The following SAMM50 variants were observed in gnomAD, a reference collection of about 807,000 sequenced individuals.
SAMM50 encodes the protein sorting and assembly machinery component 50 homolog.
Under a neutral mutation model 66.9 loss-of-function variants are expected in SAMM50, and 47 were observed. The ratio of observed to expected loss-of-function variants is 0.70; its 90% CI spans 0.56 to 0.90. The LOEUF (loss-of-function observed/expected upper bound fraction) is 0.90, where lower values mean the gene tolerates loss of function less well. SAMM50 is among the 40% of genes least tolerant of loss of function. The pLI is 0.00. For synonymous variants in SAMM50, 191 were observed against 214.1 expected (o/e 0.89, Z 0.94); for missense variants, 535 against 595.3 (o/e 0.90, Z 1.05).
chr22:43,967,263 C>T (rs943470117), intron 3 of SAMM50, among the ~76,000 whole-genome samples: 2 of 152,228 alleles, frequency 1.3e-5, no homozygotes, highest in Admixed American at 6.5e-5. Context: ...GACTATGCAA[C>T]TGCCGACTCA....
At chr22:43,977,989 C>G (rs2050242008) in intron 10 of SAMM50, 31 bp downstream of exon 10, 2 of 1,402,906 alleles carry the variant, frequency 1.4e-6, no homozygotes, top group African/African-American at 1.4e-5. Context: ...GGCACCTGCA[C>G]TGTCAGCCCT....
At chr22:43,965,364 C>T (rs2050167759) in intron 3 of SAMM50, among the ~76,000 whole-genome samples, 1 of 151,986 alleles carries the variant, frequency 6.6e-6, no homozygotes, top group Non-Finnish European at 1.5e-5. Flanking sequence ...CACCACCACA[C>T]CTGGCTAATT....
chr22:43,990,224 G>A, intron 13 of SAMM50, 41 bp from the exon 14 acceptor site: 2 of 1,611,376 alleles, frequency 1.2e-6, no homozygotes, highest in Non-Finnish European at 1.7e-6. Context: ...AGCTTGGAAG[G>A]ACGGGCACGC....
At chr22:43,962,146 T>G (rs1031603072) in intron 1 of SAMM50, among the ~76,000 whole-genome samples, 2 of 152,240 alleles carry the variant, frequency 1.3e-5, no homozygotes, top group African/African-American at 4.8e-5. Context: ...TAGCCTACTT[T>G]AAACGTGCTC....
Position 43,963,408 on chromosome 22 carries a change from G to T in SAMM50, c.132+12G>T. ...TTGAAAACAAAGATGTGAGTTTTCTGTTGAAGGTCTTGATAGAATTGTTAG... is the reference window on the plus strand; with the variant it reads ...TTGAAAACAAAGATGTGAGTTTTCTTTTGAAGGTCTTGATAGAATTGTTAG... On this transcript the variant is annotated intron_variant, in intron 2 of 14. Transcript: ENST00000350028. The T allele has an allele frequency of 6.6e-7, 1 of 1,526,180 alleles. No individual in the cohort carries two copies. The highest frequency in any genetic ancestry group is 9.1e-7 in the Non-Finnish European group (1 of 1,102,546). The allele number at this position is 1,526,180 out of a possible 1,614,324, so 94.5% of individuals were successfully genotyped here. A position where few individuals can be genotyped will look rare whatever the true frequency, so the allele number is the denominator to read the frequency against.
chr22:43,971,600 A>G (rs1260869146), intron 4 of SAMM50, among the ~76,000 whole-genome samples: 4 of 152,244 alleles, frequency 2.6e-5, no homozygotes, highest in Non-Finnish European at 4.4e-5. Flanking sequence ...GACCTCTCTA[A>G]TAGGAGAACA....
chr22:43,962,230 A>G (rs1033996683), intron 1 of SAMM50, among the ~76,000 whole-genome samples: 2 of 152,188 alleles, frequency 1.3e-5, no homozygotes, highest in Admixed American at 6.5e-5. Flanking sequence ...AGTGTTGAAG[A>G]TCTCATGTAG....
chr22:43,979,670 A>C (rs528748373), intron 10 of SAMM50, among the ~76,000 whole-genome samples: 1 of 150,650 alleles, frequency 6.6e-6, no homozygotes, highest in South Asian at 2.1e-4. Context: ...CCTTCTCCAC[A>C]CTGCAGATGT....
Position 43,955,528 on chromosome 22 carries a change from G to C in SAMM50, c.-50G>C. The C allele has an allele frequency of 1.3e-6, 2 of 1,579,862 alleles. No homozygotes were observed. Among genetic ancestry groups the C allele is most frequent in the African/African-American group, 1.3e-5 (1 of 74,550 alleles). ...CCGCCTTCTGCCCTCAGCAGCAGAC[G>C]CTCTGTCCCGCCCGGGCAGCTCTGC... On this transcript the variant is annotated 5_prime_UTR_variant, in exon 1 of 15. Transcript: ENST00000350028.
At chr22:43,985,547 C>G (rs2050287900) in intron 12 of SAMM50, among the ~76,000 whole-genome samples, 1 of 152,064 alleles carries the variant, frequency 6.6e-6, no homozygotes, top group South Asian at 2.1e-4. Context: ...CTTCTTATTG[C>G]TGAATAATAT....
At chr22:43,979,383 G>A (rs1452780230) in intron 10 of SAMM50, among the ~76,000 whole-genome samples, 2 of 152,070 alleles carry the variant, frequency 1.3e-5, no homozygotes, top group East Asian at 1.9e-4. Context: ...CTGTACCCAC[G>A]CCTGGGCTCC....
At position 43,958,476 on chromosome 22, in the gene SAMM50, CT is replaced by C. The variant is rs3083316; in HGVS notation, c.21+2898del. Among the ~76,000 whole-genome samples the C allele has an allele frequency of 4.8e-3, 541 of 112,550 alleles. 1 individual carries two copies. The highest frequency in any genetic ancestry group is 0.016 in the East Asian group (59 of 3,598). 73.8% of individuals were successfully genotyped at this position (112,550 alleles called of 152,430 possible). On this transcript the variant is annotated intron_variant, in intron 1 of 14. Transcript: ENST00000350028. The stretch of plus-strand genomic sequence containing the variant: ...AAAAAGTATCTGCCTTTATGGAGCT[CT>C]TTTTTTTTTTTTTTTTTTTGAGGCG...
chr22:43,990,177 C>G, intron 13 of SAMM50, 88 bp from the exon 14 acceptor site: 1 of 1,512,818 alleles, frequency 6.6e-7, no homozygotes, highest in African/African-American at 1.4e-5. Context: ...CAGGGCCCAG[C>G]CAGGGGGAGC....
chr22:43,976,239 A>G (rs1330810672), intron 8 of SAMM50, 56 bp downstream of exon 8: 3 of 1,564,886 alleles, frequency 1.9e-6, no homozygotes, highest in Non-Finnish European at 2.6e-6. Context: ...CATGCTATGC[A>G]TTGGGAAAAC....
Position 43,983,040 on chromosome 22 carries a change from T to G in SAMM50, c.1008-893T>G, listed in dbSNP as rs548667784. Among the ~76,000 whole-genome samples, 1 of 152,340 alleles carries G rather than the reference T, an allele frequency of 6.6e-6. No homozygotes were observed. The highest frequency in any genetic ancestry group is 2.1e-4 in the South Asian group (1 of 4,822). Reference sequence around the variant, plus strand: ...GAAATCCCAAGTAGTAAAAACATATTTATAGGTTTTAAAACTCAAATTAAA... The same window carrying G: ...GAAATCCCAAGTAGTAAAAACATATGTATAGGTTTTAAAACTCAAATTAAA... On this transcript the variant is annotated intron_variant, in intron 11 of 14. Transcript: ENST00000350028. This position sits in a 1 kb window ranked among gnomAD's most constrained non-coding sequence, Gnocchi z 4.2.
In SAMM50 at chr22:43,972,309, T is replaced by C. The variant is rs1035474740; in HGVS notation, c.396T>C (p.Tyr132=). 2.5e-6 allele frequency: 4 copies of C among 1,606,062 alleles called. No individual in the cohort carries two copies. Among genetic ancestry groups the C allele is most frequent in the South Asian group, 1.1e-5 (1 of 89,000 alleles). ...VTELRRLTGS[Y]NTMVGNNEGS... Reference sequence around the variant, plus strand: ...AATTGAGGAGATTAACGGGCAGTTATAACACCATGGTTGGAAACAATGAAG... The same window carrying C: ...AATTGAGGAGATTAACGGGCAGTTACAACACCATGGTTGGAAACAATGAAG... Residue 132 remains tyrosine, a synonymous_variant, in exon 5 of 15, where the codon TAT becomes TAC. Transcript: ENST00000350028.
chr22:43,982,875 A>AT (rs1451493117), intron 11 of SAMM50, among the ~76,000 whole-genome samples: 1 of 152,164 alleles, frequency 6.6e-6, no homozygotes, highest in African/African-American at 2.4e-5. Flanking sequence ...ACCTCAGGTG[A>AT]TGCGCCCACC....
At chr22:43,964,676 C>T in intron 3 of SAMM50, 123 bp downstream of exon 3, 1 of 571,286 alleles carries the variant, frequency 1.8e-6, no homozygotes, top group Non-Finnish European at 3.2e-6. Context: ...CCTCCTACCC[C>T]ACAGGGAGCC....
intron 12 of SAMM50, chr22:43,987,260 C>T (rs1344400217): frequency 6.6e-6 from 1 of 152,080 alleles, no homozygotes; most frequent in Admixed American, 6.6e-5. Context: ...AATGATAGCC[C>T]CAAGCTGGAA....
Sources: allele counts gnomAD v4.1 joint callset (sites outside exome capture counted in the v4.1 genomes callset), GRCh38; gene constraint gnomAD v4.1.1; non-coding constraint Gnocchi (gnomAD v3.1); transcripts MANE v1.5; gene names NCBI Gene and HGNC (gene_info 2026-07-23, HGNC 2026-07-21).